Variants in RIT2 observed in about 807,000 individuals in gnomAD.
RIT2 encodes the protein GTP-binding protein Rit2.
A neutral mutation model predicts 23.7 loss-of-function variants in RIT2; 24 were observed. The ratio of observed to expected loss-of-function variants is 1.01; its 90% CI spans 0.73 to 1.43. RIT2 has a LOEUF of 1.43. Ranked by LOEUF, RIT2 falls within the 40% of genes most tolerant of loss-of-function variation. RIT2 has a pLI of 0.00. For synonymous variants in RIT2, 107 were observed against 91.1 expected (o/e 1.17, Z -0.99); for missense variants, 236 against 266.9 (o/e 0.88, Z 0.81).
rs772829656 is a variant in RIT2, at chr18:43,115,427, A to G, written c.93T>C (p.Val31=). Residue 31 remains valine, a synonymous_variant, in exon 1 of 5, where the codon GTT becomes GTC. Transcript: ENST00000326695. The part of the protein sequence containing the change: ...YKVVMLGAGG[V]GKSAMTMQFI... ...GGTGTGAAAACTTACCGCTTTTACC[A>G]ACTCCCCCTGCTCCCAGCATTACCA... The G allele has an allele frequency of 3.6e-5, 58 of 1,612,926 alleles. No homozygotes were observed. Among genetic ancestry groups the G allele is most frequent in the Non-Finnish European group, 4.8e-5 (57 of 1,179,620 alleles).
intron 1 of RIT2, among the ~76,000 whole-genome samples, chr18:43,088,564 A>C (rs1421776531): frequency 1.3e-5 from 2 of 152,206 alleles, no homozygotes. Context: ...GTAGCACAAT[A>C]TTCTATCTTA....
At chr18:43,103,899 G>A (rs1438455557) in intron 1 of RIT2, among the ~76,000 whole-genome samples, 3 of 152,050 alleles carry the variant, frequency 2.0e-5, no homozygotes, top group Non-Finnish European at 4.4e-5. Flanking sequence ...GGATATGGGG[G>A]TTTAAAAGAT....
intron 3 of RIT2, among the ~76,000 whole-genome samples, chr18:42,928,756 G>A (rs552014372): frequency 6.6e-6 from 1 of 151,760 alleles, no homozygotes; most frequent in African/African-American, 2.4e-5. Context: ...AAATGAAAAC[G>A]AACAAAGCTT....
chr18:42,787,203 C>A (rs1913942121), intron 4 of RIT2, among the ~76,000 whole-genome samples: 1 of 140,744 alleles, frequency 7.1e-6, no homozygotes, highest in Admixed American at 7.8e-5. Flanking sequence ...TTGTTCAATT[C>A]CCACCTATGA....
At chr18:42,748,265 A>C (rs1912966150) in intron 4 of RIT2, among the ~76,000 whole-genome samples, 1 of 152,090 alleles carries the variant, frequency 6.6e-6, no homozygotes, top group African/African-American at 2.4e-5. Flanking sequence ...ATCCCATCAA[A>C]AAGTGGGCTA....
At chr18:42,984,410 G>C (rs1910663496) in intron 2 of RIT2, among the ~76,000 whole-genome samples, 1 of 152,002 alleles carries the variant, frequency 6.6e-6, no homozygotes, top group African/African-American at 2.4e-5. Context: ...ATTGTGGAGA[G>C]AGCAAAATAT....
chr18:43,091,544 T>C (rs543568300), intron 1 of RIT2, among the ~76,000 whole-genome samples: 9 of 152,202 alleles, frequency 5.9e-5, no homozygotes, highest in Admixed American at 3.3e-4. Context: ...AAGCAGCATG[T>C]CATGATTATC....
chr18:43,088,982 T>A (rs1913353399), intron 1 of RIT2, among the ~76,000 whole-genome samples: 1 of 152,122 alleles, frequency 6.6e-6, no homozygotes, highest in African/African-American at 2.4e-5. Flanking sequence ...TAAAAAATAA[T>A]CTAAGGTTCT....
chr18:42,797,284 TGTA>T (rs1349564879), intron 4 of RIT2, among the ~76,000 whole-genome samples: 3 of 152,136 alleles, frequency 2.0e-5, no homozygotes, highest in Non-Finnish European at 4.4e-5. Flanking sequence ...GGTTGTGAAT[TGTA>T]GTACTGAAAA....
chr18:42,819,230 T>C (rs1426787217), intron 4 of RIT2, among the ~76,000 whole-genome samples: 1 of 140,160 alleles, frequency 7.1e-6, no homozygotes, highest in South Asian at 2.2e-4. Context: ...ACCAAATTTG[T>C]ATTCACCAAT....
chr18:43,071,271 A>T (rs995735529), intron 1 of RIT2, among the ~76,000 whole-genome samples: 2 of 152,168 alleles, frequency 1.3e-5, no homozygotes, highest in African/African-American at 4.8e-5. Flanking sequence ...AGTTTTTATG[A>T]TCACTCTGAA....
chr18:43,048,621 G>A (rs917935066), intron 1 of RIT2, among the ~76,000 whole-genome samples: 29 of 152,224 alleles, frequency 1.9e-4, no homozygotes, highest in African/African-American at 6.3e-4. Flanking sequence ...CCAGACAATC[G>A]TAAGTTCTTG....
intron 1 of RIT2, among the ~76,000 whole-genome samples, chr18:43,035,751 A>AT (rs1204693722): frequency 6.6e-6 from 1 of 152,076 alleles, no homozygotes; most frequent in Non-Finnish European, 1.5e-5. Flanking sequence ...TTTCTTAGTA[A>AT]TTTTTCCATC....
At chr18:42,985,840 T>TCTTA (rs1910695259) in intron 2 of RIT2, among the ~76,000 whole-genome samples, 1 of 151,918 alleles carries the variant, frequency 6.6e-6, no homozygotes, top group East Asian at 1.9e-4. Flanking sequence ...GAGTGATAAA[T>TCTTA]CTTAATAACT....
intron 2 of RIT2, among the ~76,000 whole-genome samples, chr18:43,022,935 G>GT (rs1158517360): frequency 2.0e-5 from 3 of 151,968 alleles, no homozygotes; most frequent in Non-Finnish European, 4.4e-5. Context: ...AGAAAAGAGT[G>GT]TTTTTTCGAT....
chr18:42,831,565 G>A (rs78486895), intron 4 of RIT2, among the ~76,000 whole-genome samples: 16,186 of 152,000 alleles, frequency 0.11, 962 homozygotes, highest in Middle Eastern at 0.24. Flanking sequence ...GGTTGGACAC[G>A]GGGCTTGTTT....
At chr18:42,983,965 A>ATT in intron 2 of RIT2, among the ~76,000 whole-genome samples, 1 of 152,114 alleles carries the variant, frequency 6.6e-6, no homozygotes, top group Non-Finnish European at 1.5e-5. Flanking sequence ...CAATTTAAAG[A>ATT]AAACTAATCA....
chr18:43,090,324 C>G (rs1038714519), intron 1 of RIT2, among the ~76,000 whole-genome samples: 2 of 152,082 alleles, frequency 1.3e-5, no homozygotes, highest in African/African-American at 4.8e-5. Flanking sequence ...CAATGAGATA[C>G]CATCTCACAC....
chr18:43,037,104 T>C (rs1311370934), intron 1 of RIT2, among the ~76,000 whole-genome samples: 2 of 152,222 alleles, frequency 1.3e-5, no homozygotes, highest in African/African-American at 2.4e-5. Flanking sequence ...AATATCTTAA[T>C]ACATTGGTTC....
Sources: gnomAD v4.1 joint callset for allele counts (sites outside exome capture counted in the v4.1 genomes callset) on GRCh38, gnomAD v4.1.1 for gene constraint, MANE v1.5 for transcripts, NCBI Gene and HGNC (gene_info 2026-07-23, HGNC 2026-07-21) for gene names.